GABRB2: variants seen among roughly 807,000 people sequenced by gnomAD.
GABRB2 encodes the protein gamma-aminobutyric acid receptor subunit beta-2.
Under a neutral mutation model 54.7 loss-of-function variants are expected in GABRB2, and 16 were observed. The observed-to-expected ratio is 0.29, with a 90% CI of 0.20 to 0.44. The LOEUF (loss-of-function observed/expected upper bound fraction) is 0.44. Ranked by LOEUF, GABRB2 falls within the 20% of genes least tolerant of loss-of-function variation. The pLI, the probability that GABRB2 is intolerant of heterozygous loss-of-function variation, is 1.00. For missense variants in GABRB2, 355 were observed against 644.0 expected, an observed-to-expected ratio of 0.55 and a Z score of 4.86; for synonymous variants, 244 against 233.8, an observed-to-expected ratio of 1.04 and a Z score of -0.40.
At chr5:161,507,406 TA>T (rs1759638491) in intron 3 of GABRB2, among the ~76,000 whole-genome samples, 1 of 152,052 alleles carries the variant, frequency 6.6e-6, no homozygotes, top group African/African-American at 2.4e-5. Context: ...CAGAGGAAGC[TA>T]AGTGAAGGTT....
chr5:161,294,755 AT>A (rs561198477), intron 9 of GABRB2, among the ~76,000 whole-genome samples: 1 of 152,338 alleles, frequency 6.6e-6, no homozygotes, highest in East Asian at 1.9e-4. Flanking sequence ...CTTTTGAAGA[AT>A]TTATAGTCTT....
At chr5:161,307,822 T>C (rs2113357378) in intron 9 of GABRB2, among the ~76,000 whole-genome samples, 1 of 152,020 alleles carries the variant, frequency 6.6e-6, no homozygotes, top group East Asian at 1.9e-4. Context: ...TGAGAGAGAA[T>C]ATATAAATTC....
chr5:161,481,020 A>G (rs912964511), intron 3 of GABRB2, among the ~76,000 whole-genome samples: 1 of 152,054 alleles, frequency 6.6e-6, no homozygotes, highest in African/African-American at 2.4e-5. Context: ...AACTCATATG[A>G]ACACTATATA....
At chr5:161,468,619 G>T (rs1758347431) in intron 3 of GABRB2, among the ~76,000 whole-genome samples, 1 of 151,732 alleles carries the variant, frequency 6.6e-6, no homozygotes, top group Non-Finnish European at 1.5e-5. Context: ...TCATTTATTT[G>T]TCTCCTCATG....
chr5:161,538,521 A>T (rs1173591276), intron 3 of GABRB2, among the ~76,000 whole-genome samples: 2 of 152,198 alleles, frequency 1.3e-5, no homozygotes, highest in Admixed American at 1.3e-4. Flanking sequence ...TGATGTAACT[A>T]TAAGAATAGT....
chr5:161,504,802 A>C (rs532867837), intron 3 of GABRB2, among the ~76,000 whole-genome samples: 8 of 152,218 alleles, frequency 5.3e-5, no homozygotes, highest in Admixed American at 3.3e-4. Flanking sequence ...AATTAAAAAA[A>C]AAAAAGGAAA....
Position 161,459,564 on chromosome 5 carries a change from A to G in GABRB2, c.458+60T>C, listed in dbSNP as rs114973746. On this transcript the variant is annotated intron_variant, in intron 4 of 9. Transcript: ENST00000393959. ...GAAAATAGCACAATATTTCCATCCA[A>G]TGAAAATTAACAGCTATTTTGTTCA... The G allele has an allele frequency of 3.9e-4, 533 of 1,351,868 alleles. 3 individuals carry two copies. The African/African-American group carries it at 4.8e-3, about 12-fold the overall frequency. 83.7% of individuals were successfully genotyped at this position (1,351,868 alleles called of 1,614,324 possible).
At chr5:161,385,702 A>G (rs986881125) in intron 5 of GABRB2, among the ~76,000 whole-genome samples, 1 of 152,186 alleles carries the variant, frequency 6.6e-6, no homozygotes, top group Non-Finnish European at 1.5e-5. Context: ...TGACACAAAC[A>G]TGATCCCTGC....
intron 5 of GABRB2, among the ~76,000 whole-genome samples, chr5:161,394,016 T>A (rs1338798680): frequency 1.3e-5 from 2 of 151,984 alleles, no homozygotes; most frequent in African/African-American, 2.4e-5. Flanking sequence ...GGATAAAAAC[T>A]ATAAAACAAA....
intron 5 of GABRB2, among the ~76,000 whole-genome samples, chr5:161,385,890 A>G (rs1303176264): frequency 1.3e-5 from 2 of 151,948 alleles, no homozygotes; most frequent in Non-Finnish European, 2.9e-5. Flanking sequence ...AACATCTAAA[A>G]CATTTAGGAT....
At chr5:161,528,753 G>T (rs1353066591) in intron 3 of GABRB2, among the ~76,000 whole-genome samples, 1 of 151,736 alleles carries the variant, frequency 6.6e-6, no homozygotes, top group African/African-American at 2.4e-5. Context: ...AAATGATTTT[G>T]TTATTAATTT....
At chr5:161,434,741 A>G (rs1404275994) in intron 4 of GABRB2, among the ~76,000 whole-genome samples, 1 of 152,154 alleles carries the variant, frequency 6.6e-6, no homozygotes, top group East Asian at 1.9e-4. Context: ...TATTTTTTAC[A>G]CTTCCTCATC....
At chr5:161,342,246 T>C (rs1034880859) in intron 5 of GABRB2, among the ~76,000 whole-genome samples, 1 of 151,908 alleles carries the variant, frequency 6.6e-6, no homozygotes, top group African/African-American at 2.4e-5. Context: ...ATAAATTTAA[T>C]GTGTACATCA....
chr5:161,410,883 G>T (rs1756496748), intron 5 of GABRB2, 92 bp downstream of exon 5: 2 of 906,892 alleles, frequency 2.2e-6, no homozygotes, highest in South Asian at 1.6e-5. Context: ...CCTTTGCAGG[G>T]CCTGTGGTCT....
chr5:161,336,738 G>A lies in GABRB2; in HGVS notation c.573C>T (p.Tyr191=), dbSNP rs199576643. 51 of 1,607,448 alleles carry A rather than the reference G, an allele frequency of 3.2e-5. No homozygotes were observed. In the Admixed American group the frequency reaches 7.7e-4, roughly 24 times the overall value. The stretch of plus-strand genomic sequence containing the variant: ...TTACTGCATTATCATCGCCACGCCA[G>A]TAAAACTCAATGTCATCAGTTGTGT... ...YGYTTDDIEF[Y]WRGDDNAVTG... Residue 191 remains tyrosine, a synonymous_variant, in exon 6 of 10, where the codon TAC becomes TAT. Coordinates refer to ENST00000393959, the MANE Select transcript of GABRB2 (RefSeq NM_001371727.1).
At chr5:161,420,830 C>G (rs1756826396) in intron 4 of GABRB2, among the ~76,000 whole-genome samples, 1 of 152,194 alleles carries the variant, frequency 6.6e-6, no homozygotes, top group African/African-American at 2.4e-5. Context: ...CAGAAGTGTA[C>G]TTAAAATCTG....
intron 4 of GABRB2, among the ~76,000 whole-genome samples, chr5:161,457,078 A>G (rs1757976429): frequency 6.6e-6 from 1 of 152,188 alleles, no homozygotes. Context: ...TTGTTCTACT[A>G]TTTGCCCATT....
intron 3 of GABRB2, among the ~76,000 whole-genome samples, chr5:161,538,769 A>G (rs1436898218): frequency 6.6e-6 from 1 of 152,158 alleles, no homozygotes; most frequent in Non-Finnish European, 1.5e-5. Flanking sequence ...GGTTGCAGTG[A>G]GCCAAGATTG....
At chr5:161,442,839 C>G (rs1024423738) in intron 4 of GABRB2, among the ~76,000 whole-genome samples, 1 of 152,044 alleles carries the variant, frequency 6.6e-6, no homozygotes, top group African/African-American at 2.4e-5. Flanking sequence ...GATGGTGCTA[C>G]CCAAAGACAT....
Sources: gnomAD v4.1 joint callset for allele counts (sites outside exome capture counted in the v4.1 genomes callset) on GRCh38, gnomAD v4.1.1 for gene constraint, MANE v1.5 for transcripts, NCBI Gene and HGNC (gene_info 2026-07-23, HGNC 2026-07-21) for gene names.